The following STK32B variants were observed in gnomAD, a reference collection of about 807,000 sequenced individuals.
STK32B encodes serine/threonine-protein kinase 32B.
STK32B carries 43 observed loss-of-function variants against 52.6 expected under a neutral mutation model. The ratio of observed to expected loss-of-function variants is 0.82; its 90% CI spans 0.64 to 1.05. The LOEUF (loss-of-function observed/expected upper bound fraction) is 1.05. Ranked by LOEUF, STK32B falls within the 50% of genes least tolerant of loss-of-function variation. The pLI is 0.00. For missense variants in STK32B, 621 were observed against 534.6 expected (o/e 1.16, Z -1.59); for synonymous variants, 238 against 204.3 (o/e 1.17, Z -1.41).
Position 5,143,121 on chromosome 4 carries a change from GTCTGTCTGTCTA to G in STK32B, c.108+3180_108+3191del, listed in dbSNP as rs1183394957. Among the ~76,000 whole-genome samples, 40 of 147,656 alleles carry G rather than the reference GTCTGTCTGTCTA, an allele frequency of 2.7e-4. No individual in the cohort carries two copies. In the Middle Eastern group the frequency reaches 0.014, roughly 51 times the overall value. On this transcript the variant is annotated intron_variant, in intron 2 of 11. Transcript: ENST00000282908. ...TCTGTCTCTGTCTGTCTGTCTGTCT[GTCTGTCTGTCTA>G]TCTGTCTGTCTATCTGTCCATATTC...
At chr4:5,143,124 T>TGTTTGTCC (rs1553835287) in intron 2 of STK32B, among the ~76,000 whole-genome samples, 2 of 150,496 alleles carry the variant, frequency 1.3e-5, no homozygotes, top group Non-Finnish European at 1.5e-5. Flanking sequence ...TCTGTCTGTC[T>TGTTTGTCC]GTCTGTCTAT....
chr4:5,230,437 G>A (rs996172404), intron 3 of STK32B, among the ~76,000 whole-genome samples: 6 of 151,780 alleles, frequency 4.0e-5, no homozygotes, highest in African/African-American at 1.5e-4. Context: ...TGATCCACCC[G>A]CTTTGGCCTC....
chr4:5,421,026 A>G (rs972224887), intron 6 of STK32B, among the ~76,000 whole-genome samples: 4 of 152,128 alleles, frequency 2.6e-5, no homozygotes, highest in African/African-American at 9.7e-5. Context: ...CAGCCTCCCA[A>G]GTAGCTGGGA....
At chr4:5,360,499 T>C (rs144521256) in intron 4 of STK32B, among the ~76,000 whole-genome samples, 54 of 152,270 alleles carry the variant, frequency 3.5e-4, no homozygotes, top group African/African-American at 1.2e-3. Flanking sequence ...AGACCGTGTG[T>C]GCGCTCTACT....
At chr4:5,206,456 A>G (rs1238963421) in intron 3 of STK32B, among the ~76,000 whole-genome samples, 4 of 152,080 alleles carry the variant, frequency 2.6e-5, no homozygotes, top group African/African-American at 7.2e-5. Flanking sequence ...CGGTTATTGC[A>G]TGGAGAGATC....
At chr4:5,323,403 C>T (rs79256852) in intron 3 of STK32B, among the ~76,000 whole-genome samples, 3 of 152,146 alleles carry the variant, frequency 2.0e-5, no homozygotes, top group Non-Finnish European at 4.4e-5. Flanking sequence ...CTGTGCTGAG[C>T]ACGGCTGCTT....
chr4:5,479,477 T>C (rs925869299), intron 11 of STK32B, among the ~76,000 whole-genome samples: 8 of 152,190 alleles, frequency 5.3e-5, no homozygotes, highest in Non-Finnish European at 1.0e-4. Flanking sequence ...ACTGGAATCA[T>C]CCAAATATTT....
chr4:5,159,799 G>A (rs867236137), intron 2 of STK32B, among the ~76,000 whole-genome samples: 1 of 147,938 alleles, frequency 6.8e-6, no homozygotes. Flanking sequence ...ATATATATAT[G>A]AATATATATA....
At chr4:5,452,022 G>A (rs1577526572) in intron 7 of STK32B, among the ~76,000 whole-genome samples, 3 of 152,142 alleles carry the variant, frequency 2.0e-5, no homozygotes, top group African/African-American at 4.8e-5. Flanking sequence ...AGACAGGCAC[G>A]GAGAGCAGAG....
chr4:5,428,213 C>T (rs2109087318), intron 6 of STK32B, among the ~76,000 whole-genome samples: 1 of 152,170 alleles, frequency 6.6e-6, no homozygotes, highest in African/African-American at 2.4e-5. Context: ...CAAGATCATC[C>T]TGGTTAACAC....
chr4:5,133,129 G>T (rs529280525), intron 1 of STK32B, among the ~76,000 whole-genome samples: 7 of 152,190 alleles, frequency 4.6e-5, no homozygotes, highest in Non-Finnish European at 8.8e-5. Flanking sequence ...TTGAATTGCA[G>T]ATTTGTCTCC....
chr4:5,424,900 G>T (rs531603972), intron 6 of STK32B, among the ~76,000 whole-genome samples: 1 of 152,340 alleles, frequency 6.6e-6, no homozygotes, highest in East Asian at 1.9e-4. Context: ...CCAGGGCTGT[G>T]ATGCCCTCTT....
At chr4:5,109,899 A>G (rs183625158) in intron 1 of STK32B, among the ~76,000 whole-genome samples, 64 of 152,284 alleles carry the variant, frequency 4.2e-4, no homozygotes, top group African/African-American at 1.4e-3. Context: ...CCTAAACCTG[A>G]TTAGCAACTT....
intron 1 of STK32B, among the ~76,000 whole-genome samples, chr4:5,120,958 G>A (rs1714992031): frequency 6.6e-6 from 1 of 151,680 alleles, no homozygotes; most frequent in Non-Finnish European, 1.5e-5. Context: ...AGTTTTTGGG[G>A]TACAGGTGGA....
At chr4:5,317,270 A>ATT (rs1434120549) in intron 3 of STK32B, among the ~76,000 whole-genome samples, 1 of 29,410 alleles carries the variant, frequency 3.4e-5, no homozygotes, top group Non-Finnish European at 5.0e-5. Context: ...ACATATATAT[A>ATT]ATATATAACA....
chr4:5,243,021 A>G (rs1355475366), intron 3 of STK32B, among the ~76,000 whole-genome samples: 2 of 152,160 alleles, frequency 1.3e-5, no homozygotes, highest in Non-Finnish European at 2.9e-5. Context: ...TGATGCCTCC[A>G]GCTTTGTTCT....
chr4:5,051,965 T>C (rs1741804940), intron 1 of STK32B, 50 bp downstream of exon 1: 1 of 1,553,310 alleles, frequency 6.4e-7, no homozygotes, highest in African/African-American at 1.4e-5. Context: ...ATCCCCTTCC[T>C]CCACCACCCT....
At position 5,347,775 on chromosome 4, in the gene STK32B, G is replaced by A. The variant is rs535284741; in HGVS notation, c.434+16382G>A. On this transcript the variant is annotated intron_variant, in intron 4 of 11. Transcript: ENST00000282908. Reference sequence around the variant, plus strand: ...AGATCTGATAGTTTAAAAGTGTTTGGCACTTCCCTCTTTGCTCTCTTTCTC... The same window carrying A: ...AGATCTGATAGTTTAAAAGTGTTTGACACTTCCCTCTTTGCTCTCTTTCTC... 5.3e-5 allele frequency among the ~76,000 whole-genome samples: 8 copies of A among 152,196 alleles called. No individual in the cohort carries two copies. The South Asian group carries it at 1.7e-3, about 32-fold the overall frequency.
intron 3 of STK32B, among the ~76,000 whole-genome samples, chr4:5,204,893 A>G (rs1722447561): frequency 6.6e-6 from 1 of 152,122 alleles, no homozygotes; most frequent in Non-Finnish European, 1.5e-5. Context: ...TTTTTCTATC[A>G]ACTTGACTGG....
Sources: gnomAD v4.1 joint callset for allele counts (sites outside exome capture counted in the v4.1 genomes callset) on GRCh38, gnomAD v4.1.1 for gene constraint, MANE v1.5 for transcripts, NCBI Gene and HGNC (gene_info 2026-07-23, HGNC 2026-07-21) for gene names.